Variants in DRC3 observed in about 807,000 individuals in gnomAD.
The protein encoded by DRC3 is leucine rich repeat containing 48.
DRC3 carries 45 observed loss-of-function variants against 57.6 expected under a neutral mutation model. That is an observed-to-expected ratio of 0.78 (90% confidence interval 0.62 to 1.00). DRC3 has a LOEUF of 1.00. Ranked by LOEUF, DRC3 falls within the 50% of genes least tolerant of loss-of-function variation. The probability of loss-of-function intolerance (pLI) is 0.00; values close to 1 mark genes in which losing one functional copy is unlikely to be tolerated. For missense variants in DRC3, 655 were observed against 675.2 expected (o/e 0.97, Z 0.33); for synonymous variants, 257 against 272.3 (o/e 0.94, Z 0.55).
chr17:17,977,928 C>T (rs894742535), intron 3 of DRC3, 170 bp downstream of exon 3: 9 of 587,976 alleles, frequency 1.5e-5, no homozygotes, highest in South Asian at 2.3e-5. Flanking sequence ...GTTTGTAAAG[C>T]GTCATACTTA....
At chr17:18,006,313 C>T (rs568685415) in intron 11 of DRC3, 60 bp downstream of exon 11, 133 of 1,260,860 alleles carry the variant, frequency 1.1e-4, no homozygotes, top group Non-Finnish European at 1.5e-4. Flanking sequence ...TGGGCTTGTC[C>T]CGGCCTCTGG....
Position 17,989,780 on chromosome 17 carries a change from T to C in DRC3, c.444+1682T>C, listed in dbSNP as rs552055051. 2.6e-5 allele frequency among the ~76,000 whole-genome samples: 4 copies of C among 152,316 alleles called. No homozygotes were observed. In the South Asian group the frequency reaches 8.3e-4, roughly 32 times the overall value. On this transcript the variant is annotated intron_variant, in intron 5 of 13. Transcript: ENST00000399187. ...TGAGGGAGACCCCAGGGGGATTAAC[T>C]TTCTTGCCACCTGGCTTTTGGGCTG...
chr17:17,977,995 CAA>C (rs1010119405), intron 3 of DRC3: 3 of 427,888 alleles, frequency 7.0e-6, no homozygotes, highest in African/African-American at 4.1e-5. Context: ...GAATAGAAAA[CAA>C]GATAAAATTG....
chr17:18,010,157 GC>G (rs2044119692), intron 12 of DRC3, among the ~76,000 whole-genome samples: 1 of 152,256 alleles, frequency 6.6e-6, no homozygotes, highest in African/African-American at 2.4e-5. Flanking sequence ...CAGGGAGACT[GC>G]CACAAGATTC....
At chr17:18,005,879 CTG>C (rs147320981) in intron 10 of DRC3, 10,861 of 331,090 alleles carry the variant, frequency 0.033, no homozygotes, top group South Asian at 0.054. Context: ...AGGGGGTTGG[CTG>C]TGTGTGTGTG....
intron 12 of DRC3, among the ~76,000 whole-genome samples, chr17:18,009,105 A>G (rs1484520299): frequency 2.0e-5 from 3 of 152,208 alleles, no homozygotes; most frequent in African/African-American, 4.8e-5. Flanking sequence ...GCAACAAAAA[A>G]TGTGACCTAC....
intron 9 of DRC3, among the ~76,000 whole-genome samples, chr17:18,001,773 A>G (rs1335795559): frequency 6.6e-6 from 1 of 152,200 alleles, no homozygotes; most frequent in African/African-American, 2.4e-5. Flanking sequence ...TTAAAAGTAA[A>G]TACATAAATA....
Position 17,977,608 on chromosome 17 carries a change from C to G in DRC3, c.10C>G (p.Pro4Ala). The G allele has an allele frequency of 1.2e-6, 2 of 1,613,914 alleles. No homozygotes were observed. The highest frequency in any genetic ancestry group is 2.7e-5 in the African/African-American group (2 of 75,016). Residue 4 changes from proline to alanine, a missense_variant, in exon 3 of 14, where the codon CCG becomes GCG. Pro to Ala is a conservative substitution (Grantham distance 27). Coordinates refer to ENST00000399187, the MANE Select transcript of DRC3 (RefSeq NM_031294.4). Reference sequence around the variant, plus strand: ...GAAAACGTGGGGGAAGATGAACCAGCCGTGCAACTCGATGGAGCCGAGGGT... The same window carrying G: ...GAAAACGTGGGGGAAGATGAACCAGGCGTGCAACTCGATGGAGCCGAGGGT... MNQ[P>A]CNSMEPRVMD...
rs1167348827 is a variant in DRC3, at chr17:17,990,278, T to C, written c.444+2180T>C. 1.3e-4 allele frequency among the ~76,000 whole-genome samples: 20 copies of C among 152,212 alleles called. 1 individual carries two copies. The highest frequency in any genetic ancestry group is 1.5e-5 in the Non-Finnish European group (1 of 68,024). On this transcript the variant is annotated intron_variant, in intron 5 of 13. Transcript: ENST00000399187. ...CACCGAGTTGTCACTAGCAGTTCCGTTGGGTCAAGCCACAGAGGTGGTGGA... is the reference window on the plus strand; with the variant it reads ...CACCGAGTTGTCACTAGCAGTTCCGCTGGGTCAAGCCACAGAGGTGGTGGA...
In DRC3 at chr17:17,997,711, G is replaced by A. The variant is rs748259112; in HGVS notation, c.999+77G>A. ...CTGCTCTTGCCACTCCCACTGTAGG[G>A]GGACTGCAACTCCTGTACCCTCTGA... On this transcript the variant is annotated intron_variant, in intron 9 of 13. Transcript: ENST00000399187. 3.2e-5 allele frequency: 44 copies of A among 1,356,536 alleles called. 2 individuals are homozygous for A. The South Asian group carries it at 6.4e-4, about 20-fold the overall frequency. 84.0% of individuals were successfully genotyped at this position (1,356,536 alleles called of 1,614,324 possible).
At chr17:17,978,397 A>G (rs761199060) in intron 3 of DRC3, among the ~76,000 whole-genome samples, 2 of 152,178 alleles carry the variant, frequency 1.3e-5, no homozygotes, top group Non-Finnish European at 2.9e-5. Flanking sequence ...TGGCTCACAC[A>G]GCAAGCCAGG....
intron 12 of DRC3, chr17:18,007,546 C>A (rs910781942): frequency 3.9e-6 from 6 of 1,522,234 alleles, no homozygotes; most frequent in East Asian, 2.5e-5. Flanking sequence ...GTTGGAACCA[C>A]CATTTCTGAT....
intron 2 of DRC3, among the ~76,000 whole-genome samples, chr17:17,976,960 C>CCTCCCCCAG (rs1030397634): frequency 6.6e-6 from 1 of 152,240 alleles, no homozygotes; most frequent in Admixed American, 6.5e-5. Context: ...ACTCCCTATT[C>CCTCCCCCAG]CTCCCCAGCT....
chr17:17,988,191 C>T (rs892188681), intron 5 of DRC3, 93 bp downstream of exon 5: 12 of 1,298,126 alleles, frequency 9.2e-6, no homozygotes, highest in African/African-American at 2.9e-5. Flanking sequence ...GAAGTACAGG[C>T]TGAGTGTTCA....
chr17:17,991,997 G>A (rs965145101), intron 5 of DRC3, among the ~76,000 whole-genome samples: 7 of 151,932 alleles, frequency 4.6e-5, no homozygotes, highest in Non-Finnish European at 7.4e-5. Context: ...AAATAGGGCC[G>A]GGCGCGGTGG....
intron 5 of DRC3, among the ~76,000 whole-genome samples, chr17:17,991,672 A>T (rs1165854226): frequency 6.6e-6 from 1 of 152,152 alleles, no homozygotes; most frequent in African/African-American, 2.4e-5. Flanking sequence ...CACCAATCTA[A>T]TATTAACTAC....
In DRC3 at chr17:18,007,161, GC is replaced by G. The variant is rs1568536508; in HGVS notation, c.1326+15del. The G allele has an allele frequency of 5.7e-6, 6 of 1,059,878 alleles. No individual in the cohort carries two copies. Among genetic ancestry groups the G allele is most frequent in the Non-Finnish European group, 5.3e-6 (4 of 748,770 alleles). 65.7% of individuals were successfully genotyped at this position (1,059,878 alleles called of 1,614,324 possible). ...GACCTGCGCGCGGTAGGCGGGGCGG[GC>G]TGCTCGGAGCCTGACAGATGTGGTC... is the stretch of plus-strand genomic sequence containing the variant. On this transcript the variant is annotated intron_variant, in intron 12 of 13. Transcript: ENST00000399187.
At chr17:18,009,908 C>T (rs1472221260) in intron 12 of DRC3, among the ~76,000 whole-genome samples, 2 of 152,302 alleles carry the variant, frequency 1.3e-5, no homozygotes, top group African/African-American at 4.8e-5. Flanking sequence ...AAAAGCAGAA[C>T]GTACATGCTG....
In DRC3 at chr17:17,992,913, C is replaced by A. The variant is rs1435759938; in HGVS notation, c.591+2C>A. ...TACCGGCGCATTGATGACCACACAG[C>A]AAGTGTCTCCCTCTCAGTCTCCCAG... On this transcript the variant is annotated splice_donor_variant, in intron 6 of 13. Transcript: ENST00000399187. LOFTEE classifies it high-confidence loss of function. The A allele has an allele frequency of 6.2e-7, 1 of 1,613,860 alleles. No individual in the cohort carries two copies. The highest frequency in any genetic ancestry group is 1.1e-5 in the South Asian group (1 of 91,072).
Sources: gnomAD v4.1 joint callset for allele counts (sites outside exome capture counted in the v4.1 genomes callset) on GRCh38, gnomAD v4.1.1 for gene constraint, MANE v1.5 for transcripts, NCBI Gene and HGNC (gene_info 2026-07-23, HGNC 2026-07-21) for gene names.